The following DNAH3 variants were observed in gnomAD, a reference collection of about 807,000 sequenced individuals.
DNAH3 encodes dynein axonemal heavy chain 3.
A neutral mutation model predicts 432.5 loss-of-function variants in DNAH3; 332 were observed. That is an observed-to-expected ratio of 0.77 (90% CI 0.70 to 0.84). DNAH3 has a LOEUF of 0.84. Ranked by LOEUF, DNAH3 falls within the 40% of genes least tolerant of loss-of-function variation. DNAH3 has a pLI of 0.00. For synonymous variants in DNAH3, 1,956 were observed against 1,900.2 expected (o/e 1.03, Z -0.76); for missense variants, 4,861 against 5,114.0 (o/e 0.95, Z 1.51).
chr16:21,127,678 G>A lies in DNAH3; in HGVS notation c.1208+9C>T. 6.2e-7 allele frequency: 1 copy of A among 1,613,948 alleles called. No individual in the cohort carries two copies. The highest frequency in any genetic ancestry group is 8.5e-7 in the Non-Finnish European group (1 of 1,179,908). ...ATGGTGCAGCCCCACTTGGAGGGCA[G>A]ATACTGACTTGTTGAGAAGAGTCTG... On this transcript the variant is annotated intron_variant, in intron 8 of 61. Transcript: ENST00000261383.
At position 21,060,463 on chromosome 16, in the gene DNAH3, A is replaced by C. The variant is rs891764004; in HGVS notation, c.3721-107T>G. On this transcript the variant is annotated intron_variant, in intron 25 of 61. Transcript: ENST00000261383. ...CTGGACACGGCTGGAGGGATGCCAA[A>C]GGCTTGGCACCTTTTCAAGTCAATA... The C allele has an allele frequency of 2.4e-5, 18 of 756,632 alleles. No homozygotes were observed. In the African/African-American group the frequency reaches 3.1e-4, roughly 13 times the overall value. 46.9% of individuals were successfully genotyped at this position (756,632 alleles called of 1,614,324 possible).
At chr16:21,112,510 A>C (rs11859946) in intron 12 of DNAH3, among the ~76,000 whole-genome samples, 5,505 of 152,262 alleles carry the variant, frequency 0.036, 338 homozygotes, top group African/African-American at 0.12. Context: ...AGGAAGAAGC[A>C]AAAGTGGAAA....
intron 12 of DNAH3, 105 bp downstream of exon 12, chr16:21,117,098 T>C (rs1400667833): frequency 1.4e-6 from 1 of 699,526 alleles, no homozygotes; most frequent in Non-Finnish European, 2.5e-6. Flanking sequence ...TTACTATGTA[T>C]GTGTTCAGGT....
intron 40 of DNAH3, among the ~76,000 whole-genome samples, chr16:21,020,397 A>ATATATATATTTT (rs1555530020): frequency 2.9e-5 from 1 of 34,594 alleles, no homozygotes; most frequent in African/African-American, 1.2e-4. Context: ...ATATATATAT[A>ATATATATATTTT]TTTTTTTTTT....
At chr16:20,979,012 C>A (rs2085729460) in intron 50 of DNAH3, among the ~76,000 whole-genome samples, 1 of 151,452 alleles carries the variant, frequency 6.6e-6, no homozygotes, top group South Asian at 2.1e-4. Context: ...TAAGGTGAGA[C>A]AAGGGAGGCA....
chr16:21,142,909 C>T (rs754646789), intron 3 of DNAH3, among the ~76,000 whole-genome samples: 34 of 152,124 alleles, frequency 2.2e-4, no homozygotes, highest in Non-Finnish European at 4.6e-4. Flanking sequence ...TCAATAAACA[C>T]AACAATCAAG....
At chr16:20,935,277 T>C in intron 61 of DNAH3, 71 bp downstream of exon 61, 1 of 1,580,062 alleles carries the variant, frequency 6.3e-7, no homozygotes, top group East Asian at 2.2e-5. Context: ...ATTTTTTGAC[T>C]CATAAGGAAA....
intron 40 of DNAH3, 59 bp downstream of exon 40, chr16:21,021,912 A>AG: frequency 6.4e-7 from 1 of 1,574,520 alleles, no homozygotes; most frequent in Non-Finnish European, 8.6e-7. Context: ...CAAAAAAAAA[A>AG]GAAATAGCCA....
exon 57 of DNAH3, chr16:20,948,604 T>C (rs745869301): frequency 6.2e-7 from 1 of 1,614,118 alleles, no homozygotes; most frequent in South Asian, 1.1e-5. Flanking sequence ...CCGGTCTTTG[T>C]CATCAGTCAC....
chr16:21,124,037 C>T (rs9889200), intron 9 of DNAH3, among the ~76,000 whole-genome samples: 33,362 of 151,996 alleles, frequency 0.22, 3,693 homozygotes, highest in Admixed American at 0.25. Context: ...GGTGATCTGC[C>T]TGCCTCGGTC....
At chr16:21,013,824 C>T (rs973227497) in intron 41 of DNAH3, among the ~76,000 whole-genome samples, 2 of 150,322 alleles carry the variant, frequency 1.3e-5, no homozygotes, top group Admixed American at 6.6e-5. Context: ...TTTATGCCAA[C>T]AAATTTGATA....
At chr16:20,957,314 A>C (rs1280168619) in intron 54 of DNAH3, among the ~76,000 whole-genome samples, 1 of 152,220 alleles carries the variant, frequency 6.6e-6, no homozygotes, top group East Asian at 1.9e-4. Flanking sequence ...CATAGACAAT[A>C]TATGAATAAG....
chr16:21,145,359 T>C (rs969145152), exon 3 of DNAH3: 6 of 1,614,048 alleles, frequency 3.7e-6, no homozygotes, highest in Non-Finnish European at 5.1e-6. Context: ...CCAAGGTCCA[T>C]GACGTGCGTT....
intron 31 of DNAH3, among the ~76,000 whole-genome samples, chr16:21,044,467 C>A (rs1473872356): frequency 2.3e-5 from 2 of 86,478 alleles, no homozygotes; most frequent in Admixed American, 1.4e-4. Context: ...TGATTTGGCT[C>A]TCTGTTTGTC....
chr16:21,122,275 C>A, intron 9 of DNAH3, 151 bp from the exon 11 acceptor site: 1 of 651,122 alleles, frequency 1.5e-6, no homozygotes, highest in Admixed American at 3.2e-5. Context: ...TGGGCTGGGG[C>A]TGGGCACCGT....
intron 18 of DNAH3, among the ~76,000 whole-genome samples, chr16:21,089,557 A>C (rs1327686855): frequency 6.6e-6 from 1 of 152,238 alleles, no homozygotes; most frequent in African/African-American, 2.4e-5. Context: ...AACAATAAAA[A>C]CATAACAAGA....
chr16:21,051,317 T>A (rs1042596642), intron 29 of DNAH3, among the ~76,000 whole-genome samples: 4 of 152,212 alleles, frequency 2.6e-5, no homozygotes, highest in Admixed American at 2.6e-4. Context: ...ACCCCTTGGC[T>A]ACGTTCTTGA....
At chr16:21,039,669 T>A (rs79294729) in intron 33 of DNAH3, among the ~76,000 whole-genome samples, 183 bp downstream of exon 33, 44 of 152,250 alleles carry the variant, frequency 2.9e-4, no homozygotes, top group Non-Finnish European at 5.1e-4. Context: ...CTGGGCCATT[T>A]CCCCGTCAGA....
chr16:21,147,772 C>T (rs2092803694), intron 1 of DNAH3, among the ~76,000 whole-genome samples: 1 of 152,210 alleles, frequency 6.6e-6, no homozygotes, highest in South Asian at 2.1e-4. Context: ...TCCACCTCTC[C>T]TGAGCAGAGA....
Sources: gnomAD v4.1 joint callset for allele counts (sites outside exome capture counted in the v4.1 genomes callset) on GRCh38, gnomAD v4.1.1 for gene constraint, MANE v1.5 for transcripts, NCBI Gene and HGNC (gene_info 2026-07-23, HGNC 2026-07-21) for gene names.